Variants in RELN observed in about 807,000 individuals in gnomAD.
RELN encodes the protein reelin.
A neutral mutation model predicts 427.6 loss-of-function variants in RELN; 108 were observed. That is an observed-to-expected ratio of 0.25 (90% CI 0.22 to 0.30). RELN has a LOEUF of 0.30. Among genes scored for constraint, RELN ranks in the 10% least tolerant of loss-of-function variants. RELN has a pLI of 1.00. For synonymous variants in RELN, 1,524 were observed against 1,513.4 expected (o/e 1.01, Z -0.16); for missense variants, 3,715 against 4,302.8 (o/e 0.86, Z 3.82).
intron 41 of RELN, among the ~76,000 whole-genome samples, chr7:103,546,204 C>T (rs6961019): frequency 0.83 from 126,219 of 152,164 alleles, 52,411 homozygotes; most frequent in African/African-American, 0.88. Context: ...TCTCTATGGA[C>T]TGACGTATTC....
At chr7:103,836,556 C>A (rs1793414240) in intron 2 of RELN, among the ~76,000 whole-genome samples, 1 of 152,166 alleles carries the variant, frequency 6.6e-6, no homozygotes, top group Admixed American at 6.5e-5. Context: ...TCAGTTTCAG[C>A]ACTTCTTGCC....
intron 1 of RELN, among the ~76,000 whole-genome samples, chr7:103,925,286 G>A (rs910765649): frequency 2.0e-5 from 3 of 152,040 alleles, no homozygotes; most frequent in Admixed American, 1.3e-4. Flanking sequence ...AGCCCCAACT[G>A]CACTTAAAGC....
chr7:103,858,753 G>A (rs970180195), intron 2 of RELN, among the ~76,000 whole-genome samples: 1 of 152,136 alleles, frequency 6.6e-6, no homozygotes, highest in African/African-American at 2.4e-5. Flanking sequence ...CGCTTCCATG[G>A]TGTAGTAGCG....
Position 103,489,779 on chromosome 7 carries a change from C to T in RELN, c.9726G>A (p.Thr3242=), listed in dbSNP as rs370000503. 5.6e-6 allele frequency: 9 copies of T among 1,614,128 alleles called. No individual in the cohort carries two copies. The South Asian group carries it at 6.6e-5, about 12-fold the overall frequency. The stretch of plus-strand genomic sequence containing the variant: ...CGTCGCAGATGCAGATGGCACCGGT[C>T]GTGCAGTATCCGTGCCCGCTGCAGA... ...PKLCSGHGYC[T]TGAICICDES... is the part of the protein sequence containing the mutation. The change falls in exon 60 of 65, where the codon ACG becomes ACA. Residue 3242 remains threonine, a synonymous_variant. Coordinates refer to ENST00000428762, the MANE Select transcript of RELN (RefSeq NM_005045.4).
intron 46 of RELN, among the ~76,000 whole-genome samples, chr7:103,525,539 G>A (rs966234856): frequency 1.3e-5 from 2 of 151,980 alleles, no homozygotes; most frequent in African/African-American, 4.8e-5. Context: ...GTAACTCAGC[G>A]GTTTTGCTGA....
chr7:103,636,768 A>G (rs1832592880), intron 17 of RELN, among the ~76,000 whole-genome samples: 1 of 152,238 alleles, frequency 6.6e-6, no homozygotes, highest in Non-Finnish European at 1.5e-5. Context: ...GAATATCTGT[A>G]AAAGGTTTAT....
intron 64 of RELN, among the ~76,000 whole-genome samples, chr7:103,478,175 A>T (rs1388357282): frequency 6.6e-6 from 1 of 152,130 alleles, no homozygotes; most frequent in Non-Finnish European, 1.5e-5. Flanking sequence ...TATATTGTAT[A>T]TATTAGGGAC....
chr7:103,594,480 C>T lies in RELN; in HGVS notation c.3552G>A (p.Leu1184=). The T allele has an allele frequency of 1.2e-6, 2 of 1,613,544 alleles. No individual in the cohort carries two copies. Among genetic ancestry groups the T allele is most frequent in the South Asian group, 2.2e-5 (2 of 91,062 alleles). Residue 1184 remains leucine (L), a synonymous_variant, in exon 26 of 65, where the codon CTG becomes CTA. Coordinates refer to ENST00000428762, the MANE Select transcript of RELN (RefSeq NM_005045.4). ...SDFSKPRFVY[L]ELPAAAKTPC... ...GGGTCTTGGCAGCAGCTGGAAGCTC[C>T]AGATAGACAAATCTGAATAAAAGTA...
intron 60 of RELN, 75 bp from the exon 61 acceptor site, chr7:103,486,491 G>A (rs1828444814): frequency 8.9e-7 from 1 of 1,128,056 alleles, no homozygotes; most frequent in Middle Eastern, 2.1e-4. Flanking sequence ...AAGTATTCAA[G>A]TTCAGGTTTA....
chr7:103,485,811 AG>A (rs1828419115), intron 61 of RELN, among the ~76,000 whole-genome samples: 1 of 152,230 alleles, frequency 6.6e-6, no homozygotes, highest in African/African-American at 2.4e-5. Flanking sequence ...AGCTAAATAT[AG>A]GCATATGTTT....
chr7:103,534,259 T>G (rs957619929), intron 46 of RELN, among the ~76,000 whole-genome samples: 1 of 152,240 alleles, frequency 6.6e-6, no homozygotes, highest in African/African-American at 2.4e-5. Flanking sequence ...TCTTTCTTAA[T>G]GCAGCAACTG....
At chr7:103,556,186 G>A (rs753080736) in intron 38 of RELN, among the ~76,000 whole-genome samples, 4 of 152,046 alleles carry the variant, frequency 2.6e-5, no homozygotes, top group Non-Finnish European at 5.9e-5. Context: ...TATCTGCTTG[G>A]TCTAAGTCCC....
chr7:103,812,456 A>C (rs1379007461), intron 3 of RELN, among the ~76,000 whole-genome samples: 1 of 152,214 alleles, frequency 6.6e-6, no homozygotes, highest in Non-Finnish European at 1.5e-5. Context: ...AACAATGGGC[A>C]ATTGAATGGA....
rs556879542 is a variant in RELN, at chr7:103,545,113, G to C, written c.6523+11C>G. The C allele has an allele frequency of 2.5e-6, 4 of 1,608,794 alleles. No homozygotes were observed. The Admixed American group carries it at 5.0e-5, about 20-fold the overall frequency. ...TCACAAGACTACATAGAATTTGTAA[G>C]AAAAGACTACCTTCGAAATCATCTT... On this transcript the variant is annotated intron_variant, in intron 42 of 64. Coordinates refer to ENST00000428762, the MANE Select transcript of RELN (RefSeq NM_005045.4).
intron 3 of RELN, among the ~76,000 whole-genome samples, chr7:103,819,503 C>T (rs1792964308): frequency 6.6e-6 from 1 of 151,958 alleles, no homozygotes; most frequent in Non-Finnish European, 1.5e-5. Context: ...TGAGAGTTAC[C>T]AAAGTGGAAT....
chr7:103,676,505 AG>A (rs1833528231), intron 11 of RELN, among the ~76,000 whole-genome samples: 1 of 152,254 alleles, frequency 6.6e-6, no homozygotes, highest in African/African-American at 2.4e-5. Context: ...ATCTAGAACT[AG>A]AAATACCATT....
At chr7:103,554,001 C>T (rs1830470972) in intron 38 of RELN, among the ~76,000 whole-genome samples, 170 bp from the exon 39 acceptor site, 1 of 152,100 alleles carries the variant, frequency 6.6e-6, no homozygotes, top group Non-Finnish European at 1.5e-5. Context: ...GCCTGAGCAA[C>T]ATAGTAAGGG....
intron 64 of RELN, chr7:103,476,777 A>G: frequency 2.9e-6 from 1 of 346,420 alleles, no homozygotes; most frequent in Non-Finnish European, 6.0e-6. Context: ...TTTATCTTAT[A>G]TTTACTCATT....
chr7:103,830,230 G>C (rs1793243616), intron 3 of RELN, among the ~76,000 whole-genome samples: 1 of 151,762 alleles, frequency 6.6e-6, no homozygotes, highest in African/African-American at 2.4e-5. Flanking sequence ...ACATTCTATT[G>C]GTCTATAGTT....
Sources: gnomAD v4.1 joint callset for allele counts (sites outside exome capture counted in the v4.1 genomes callset) on GRCh38, gnomAD v4.1.1 for gene constraint, MANE v1.5 for transcripts, NCBI Gene and HGNC (gene_info 2026-07-23, HGNC 2026-07-21) for gene names.